ABHD18: variants seen among roughly 807,000 people sequenced by gnomAD.
ABHD18 encodes cardiolipin-specific deacylase, mitochondrial.
Under a neutral mutation model 65.9 loss-of-function variants are expected in ABHD18, and 55 were observed. The ratio of observed to expected loss-of-function variants is 0.84; its 90% CI spans 0.67 to 1.05. The LOEUF is 1.05. Among genes scored for constraint, ABHD18 ranks in the 50% least tolerant of loss-of-function variants. The probability of loss-of-function intolerance (pLI) is 0.00; values close to 1 mark genes in which losing one functional copy is unlikely to be tolerated. For missense variants in ABHD18, 533 were observed against 558.5 expected (o/e 0.95, Z 0.46); for synonymous variants, 181 against 180.2 (o/e 1.00, Z -0.04).
chr4:128,025,981 C>T (rs1431622496), intron 10 of ABHD18, among the ~76,000 whole-genome samples: 3 of 151,956 alleles, frequency 2.0e-5, no homozygotes, highest in Non-Finnish European at 4.4e-5. Flanking sequence ...GGTGAAACCC[C>T]GTCTCTATTA....
chr4:127,986,164 T>C (rs1749917264), intron 3 of ABHD18, among the ~76,000 whole-genome samples: 1 of 152,234 alleles, frequency 6.6e-6, no homozygotes, highest in Non-Finnish European at 1.5e-5. Context: ...ATCCATTAGC[T>C]GTCACTTTCC....
At chr4:128,030,712 G>A in intron 12 of ABHD18, 40 bp downstream of exon 12, 1 of 1,505,876 alleles carries the variant, frequency 6.6e-7, no homozygotes, top group Non-Finnish European at 8.8e-7. Flanking sequence ...TTCATTTGTT[G>A]TTTGTTTTCT....
intron 1 of ABHD18, among the ~76,000 whole-genome samples, chr4:127,975,250 C>G (rs755650881): frequency 1.3e-5 from 2 of 152,130 alleles, no homozygotes; most frequent in Non-Finnish European, 2.9e-5. Flanking sequence ...CCATCCATCT[C>G]CAGTTTTCTT....
At position 128,039,397 on chromosome 4, in the gene ABHD18, C is replaced by T. The variant is rs1343588341; in HGVS notation, c.*3584C>T. The T allele has an allele frequency of 1.3e-5, 2 of 151,928 alleles. No individual in the cohort carries two copies. The highest frequency in any genetic ancestry group is 4.8e-5 in the African/African-American group (2 of 41,410). 9.4% of individuals were successfully genotyped at this position (151,928 alleles called of 1,614,324 possible). A position where few individuals can be genotyped will look rare whatever the true frequency, so the allele number is the denominator to read the frequency against. ...TGGGTGTGTGTTCCCCAGTTTGCCACAGCCTACTGGACTTCCCTCTTATAT... is the reference window on the plus strand; with the variant it reads ...TGGGTGTGTGTTCCCCAGTTTGCCATAGCCTACTGGACTTCCCTCTTATAT... On this transcript the variant is annotated 3_prime_UTR_variant, in exon 13 of 13. Coordinates refer to ENST00000645843, the MANE Select transcript of ABHD18 (RefSeq NM_001358451.3).
intron 1 of ABHD18, among the ~76,000 whole-genome samples, chr4:127,980,825 CA>C (rs768450115): frequency 0.04 from 1,848 of 46,548 alleles, 22 homozygotes; most frequent in African/African-American, 0.091. Context: ...GACTGCATCT[CA>C]AAAAAAAAAA....
At chr4:127,979,008 G>T (rs1195182320) in intron 1 of ABHD18, among the ~76,000 whole-genome samples, 1 of 151,960 alleles carries the variant, frequency 6.6e-6, no homozygotes. Context: ...TCAACTTTAT[G>T]GTAAGTATGT....
At chr4:128,031,133 C>A (rs994917020) in intron 12 of ABHD18, 129 of 985,848 alleles carry the variant, frequency 1.3e-4, no homozygotes, top group Middle Eastern at 5.1e-4. Context: ...CCTTATATGA[C>A]TCCACTATTT....
At chr4:127,970,543 C>T (rs963712929) in intron 1 of ABHD18, among the ~76,000 whole-genome samples, 3 of 146,118 alleles carry the variant, frequency 2.1e-5, no homozygotes, top group Non-Finnish European at 4.5e-5. Context: ...GAGCCGAGAT[C>T]GCACCATTGC....
At chr4:127,965,880 A>G in intron 1 of ABHD18, 1 of 152,744 alleles carries the variant, frequency 6.5e-6, no homozygotes, top group Non-Finnish European at 1.5e-5. Flanking sequence ...GCTCGGCTAA[A>G]TGCAAAGGCG....
In ABHD18 at chr4:127,974,195, T is replaced by G. The variant is rs1164426593; in HGVS notation, c.-18+8589T>G. On this transcript the variant is annotated intron_variant, in intron 1 of 12. Coordinates refer to ENST00000645843, the MANE Select transcript of ABHD18 (RefSeq NM_001358451.3). ...ATATTAACCTTAAGTTCTGTTTTTTTTTTTTTTTTTTTTTTTTTTTGAGAC... is the reference window on the plus strand; with the variant it reads ...ATATTAACCTTAAGTTCTGTTTTTTGTTTTTTTTTTTTTTTTTTTTGAGAC... 9.1e-5 allele frequency among the ~76,000 whole-genome samples: 13 copies of G among 142,162 alleles called. 1 individual carries two copies. The highest frequency in any genetic ancestry group is 1.8e-4 in the African/African-American group (7 of 38,188). The allele number at this position is 142,162 out of a possible 152,430, so 93.3% of individuals were successfully genotyped here. A position where few individuals can be genotyped will look rare whatever the true frequency, so the allele number is the denominator to read the frequency against.
At chr4:127,988,407 T>C (rs1750359383) in intron 3 of ABHD18, among the ~76,000 whole-genome samples, 1 of 152,076 alleles carries the variant, frequency 6.6e-6, no homozygotes, top group South Asian at 2.1e-4. Flanking sequence ...ATTTTTGTAT[T>C]TTTTGTAGAG....
chr4:128,001,835 TG>T lies in ABHD18; in HGVS notation c.279-7084del, dbSNP rs370352374. On this transcript the variant is annotated intron_variant, in intron 4 of 12. Coordinates refer to ENST00000645843, the MANE Select transcript of ABHD18 (RefSeq NM_001358451.3). ...TCCTTAGTGGTTAGATGTTGAGTTT[TG>T]TTTTGTTTTGTTTTTTTTTTTAATT... The T allele has an allele frequency of 8.9e-4, 1,211 of 1,367,516 alleles. 9 individuals are homozygous for T. In the African/African-American group the frequency reaches 0.016, roughly 19 times the overall value. 84.7% of individuals were successfully genotyped at this position (1,367,516 alleles called of 1,614,324 possible).
intron 3 of ABHD18, among the ~76,000 whole-genome samples, chr4:127,987,358 T>C (rs1292652278): frequency 6.6e-6 from 1 of 151,690 alleles, no homozygotes; most frequent in Non-Finnish European, 1.5e-5. Flanking sequence ...TCTCAAAAAA[T>C]AGTAATAATA....
chr4:128,008,427 A>G (rs767019064), intron 4 of ABHD18, among the ~76,000 whole-genome samples: 3 of 151,266 alleles, frequency 2.0e-5, no homozygotes, highest in Non-Finnish European at 4.4e-5. Flanking sequence ...ATGTGCCACC[A>G]TGCCCGGCTA....
intron 4 of ABHD18, among the ~76,000 whole-genome samples, chr4:127,999,679 G>T (rs924435820): frequency 6.6e-6 from 1 of 152,008 alleles, no homozygotes; most frequent in Non-Finnish European, 1.5e-5. Flanking sequence ...TATAGATTCC[G>T]GATATTAGAC....
chr4:127,991,024 C>T (rs771409089), intron 4 of ABHD18, among the ~76,000 whole-genome samples: 3 of 151,968 alleles, frequency 2.0e-5, no homozygotes, highest in Admixed American at 6.6e-5. Context: ...CCACCATACC[C>T]GGCTAATTTT....
intron 6 of ABHD18, among the ~76,000 whole-genome samples, chr4:128,011,187 C>T (rs1177603300): frequency 1.3e-5 from 2 of 149,184 alleles, no homozygotes; most frequent in Non-Finnish European, 3.0e-5. Context: ...CTCGCTGTCG[C>T]CCCAGGCTGG....
At chr4:127,968,550 C>A (rs1421596529) in intron 1 of ABHD18, among the ~76,000 whole-genome samples, 1 of 151,900 alleles carries the variant, frequency 6.6e-6, no homozygotes, top group African/African-American at 2.4e-5. Context: ...GCTTAGGTAC[C>A]CAAATGACAG....
intron 7 of ABHD18, among the ~76,000 whole-genome samples, chr4:128,015,870 G>C (rs1755389190): frequency 6.6e-6 from 1 of 151,580 alleles, no homozygotes; most frequent in Non-Finnish European, 1.5e-5. Flanking sequence ...ATTCTAATTT[G>C]GTCATTTTAG....
Sources: allele counts gnomAD v4.1 joint callset (sites outside exome capture counted in the v4.1 genomes callset), GRCh38; gene constraint gnomAD v4.1.1; transcripts MANE v1.5; gene names NCBI Gene and HGNC (gene_info 2026-07-23, HGNC 2026-07-21).